Variants in CEP126 observed in about 807,000 individuals in gnomAD.
The protein encoded by CEP126 is centrosomal protein of 126 kDa.
Under a neutral mutation model 107.8 loss-of-function variants are expected in CEP126, and 74 were observed. The observed-to-expected ratio is 0.69, with a 90% confidence interval of 0.57 to 0.83. The LOEUF (loss-of-function observed/expected upper bound fraction) is 0.83. CEP126 is among the 40% of genes least tolerant of loss of function. The pLI is 0.00. For synonymous variants in CEP126, 449 were observed against 446.0 expected (o/e 1.01, Z -0.08); for missense variants, 1,237 against 1,281.9 (o/e 0.96, Z 0.53).
In CEP126 at chr11:101,915,094, G is replaced by A; in HGVS notation, c.-191G>A. The A allele has an allele frequency of 1.3e-6, 1 of 774,108 alleles. No homozygotes were observed. The highest frequency in any genetic ancestry group is 1.9e-6 in the Non-Finnish European group (1 of 518,448). 48.0% of individuals were successfully genotyped at this position (774,108 alleles called of 1,614,324 possible). On this transcript the variant is annotated 5_prime_UTR_variant, in exon 1 of 11. Transcript: ENST00000263468. Reference sequence around the variant, plus strand: ...GCCCGGCGAGGTCGCCGCTGCCTCAGCTGCCATCGCCGCTACAGGCACCAG... The same window carrying A: ...GCCCGGCGAGGTCGCCGCTGCCTCAACTGCCATCGCCGCTACAGGCACCAG...
At chr11:101,944,724 G>A (rs1940712787) in intron 3 of CEP126, among the ~76,000 whole-genome samples, 1 of 152,124 alleles carries the variant, frequency 6.6e-6, no homozygotes, top group African/African-American at 2.4e-5. Context: ...TTTGGGTTCA[G>A]AAAATTAGTG....
chr11:101,938,171 A>AAAAAAAAAAAACC (rs1307777067), intron 2 of CEP126, among the ~76,000 whole-genome samples: 1 of 144,522 alleles, frequency 6.9e-6, no homozygotes, highest in African/African-American at 2.6e-5. Flanking sequence ...AAAAAAAAAA[A>AAAAAAAAAAAACC]AAAAATACAA....
intron 6 of CEP126, among the ~76,000 whole-genome samples, chr11:101,969,505 T>C (rs565823875): frequency 6.6e-6 from 1 of 152,276 alleles, no homozygotes; most frequent in African/African-American, 2.4e-5. Flanking sequence ...GGGGAAGATA[T>C]GCCATGTTCA....
chr11:101,983,751 A>C (rs1307708321), intron 8 of CEP126, among the ~76,000 whole-genome samples: 1 of 152,204 alleles, frequency 6.6e-6, no homozygotes, highest in African/African-American at 2.4e-5. Flanking sequence ...AGCTGATGAG[A>C]CAGCCCCTAC....
At position 101,925,067 on chromosome 11, in the gene CEP126, C is replaced by T. The variant is rs146714111; in HGVS notation, c.248+2307C>T. ...TTTCCCTCCAAGTCCCCTTTGTTTC[C>T]GGCTCCAGTAGATGCTGGTTATCTT... On this transcript the variant is annotated intron_variant, in intron 2 of 10. Coordinates refer to ENST00000263468, the MANE Select transcript of CEP126 (RefSeq NM_020802.4). Among the ~76,000 whole-genome samples the T allele has an allele frequency of 1.9e-3, 284 of 152,202 alleles. 1 individual carries two copies. Among genetic ancestry groups the T allele is most frequent in the African/African-American group, 6.3e-3 (263 of 41,534 alleles).
At chr11:101,987,763 A>G (rs567903648) in intron 9 of CEP126, among the ~76,000 whole-genome samples, 4 of 152,318 alleles carry the variant, frequency 2.6e-5, no homozygotes, top group Non-Finnish European at 5.9e-5. Flanking sequence ...GTCTAATACA[A>G]GTATCACACT....
chr11:101,981,471 T>C (rs1290222008), intron 7 of CEP126, among the ~76,000 whole-genome samples: 1 of 152,040 alleles, frequency 6.6e-6, no homozygotes, highest in African/African-American at 2.4e-5. Flanking sequence ...TTTTTTATAT[T>C]TTTAGTAGAG....
chr11:101,973,787 T>G (rs1251010943), intron 6 of CEP126, among the ~76,000 whole-genome samples: 1 of 152,242 alleles, frequency 6.6e-6, no homozygotes, highest in Non-Finnish European at 1.5e-5. Context: ...TTTCTAATTA[T>G]GATAACTTAT....
intron 4 of CEP126, among the ~76,000 whole-genome samples, chr11:101,955,571 TAA>T (rs34768834): frequency 0.051 from 7,758 of 152,178 alleles, 398 homozygotes; most frequent in East Asian, 0.26. Context: ...GAAAATACTC[TAA>T]GAGCAAGAAA....
At chr11:101,978,024 TAATA>T (rs1941212565) in intron 6 of CEP126, among the ~76,000 whole-genome samples, 1 of 152,226 alleles carries the variant, frequency 6.6e-6, no homozygotes, top group Non-Finnish European at 1.5e-5. Flanking sequence ...AATTTTTAGA[TAATA>T]AATATGAATT....
At chr11:101,945,199 C>T (rs1380344815) in intron 3 of CEP126, among the ~76,000 whole-genome samples, 1 of 152,098 alleles carries the variant, frequency 6.6e-6, no homozygotes, top group Non-Finnish European at 1.5e-5. Context: ...TATGTCAGGA[C>T]ATCAAGGACA....
chr11:101,945,859 A>G (rs1312268811), intron 3 of CEP126, among the ~76,000 whole-genome samples: 1 of 152,172 alleles, frequency 6.6e-6, no homozygotes, highest in African/African-American at 2.4e-5. Flanking sequence ...AGCTTTTTTA[A>G]TGTGGGTATA....
At chr11:101,980,084 T>C (rs979457206) in intron 7 of CEP126, among the ~76,000 whole-genome samples, 7 of 152,220 alleles carry the variant, frequency 4.6e-5, no homozygotes, top group African/African-American at 1.7e-4. Flanking sequence ...TAATCAACAA[T>C]GATCTAATCT....
At chr11:101,953,391 G>A (rs923097551) in intron 4 of CEP126, among the ~76,000 whole-genome samples, 1 of 151,944 alleles carries the variant, frequency 6.6e-6, no homozygotes, top group Non-Finnish European at 1.5e-5. Flanking sequence ...CATAGAGAAG[G>A]AGAAGATTTT....
Position 101,963,652 on chromosome 11 carries a change from C to T in CEP126, c.2617C>T (p.Pro873Ser). 1 of 1,613,686 alleles carries T rather than the reference C, an allele frequency of 6.2e-7. No individual in the cohort carries two copies. The highest frequency in any genetic ancestry group is 1.1e-5 in the South Asian group (1 of 91,064). ...TTGTTCTGACCTAGTCACTGTGATA[C>T]CATCACTGCCATCATATTGTTCTTC... ...NACSDLVTVI[P>S]SLPSYCSSEC... is the part of the protein sequence containing the mutation. The change falls in exon 6 of 11, where the codon CCA becomes TCA. Residue 873 changes from proline (P) to serine (S), a missense_variant. Physicochemically the swap from Pro to Ser is moderately conservative, Grantham distance 74. Transcript: ENST00000263468.
rs537786957 is a variant in CEP126, at chr11:101,948,098, A to G, written c.462A>G (p.Ser154=). ...AAATTCAGGAATCCAACTTAAAATC[A>G]GAAGTAAACCTTCCCTTTTCCCGTA... The part of the protein sequence containing the change: ...LKQIQESNLK[S]EVNLPFSRRP... Residue 154 remains serine, a synonymous_variant, in exon 4 of 11, where the codon TCA becomes TCG. Coordinates refer to ENST00000263468, the MANE Select transcript of CEP126 (RefSeq NM_020802.4). The G allele has an allele frequency of 6.2e-7, 1 of 1,612,050 alleles. No homozygotes were observed. The highest frequency in any genetic ancestry group is 1.7e-5 in the Admixed American group (1 of 59,970).
chr11:101,927,678 C>A (rs1940433286), intron 2 of CEP126, among the ~76,000 whole-genome samples: 1 of 152,060 alleles, frequency 6.6e-6, no homozygotes, highest in African/African-American at 2.4e-5. Flanking sequence ...TGAGGATTGA[C>A]TTTTCTCAGT....
chr11:101,925,510 C>T (rs1206744065), intron 2 of CEP126, among the ~76,000 whole-genome samples: 2 of 150,822 alleles, frequency 1.3e-5, no homozygotes, highest in Non-Finnish European at 2.9e-5. Context: ...GTGACTCACA[C>T]CTGTAATCCT....
At chr11:101,917,519 T>C (rs944819672) in intron 1 of CEP126, among the ~76,000 whole-genome samples, 7 of 152,012 alleles carry the variant, frequency 4.6e-5, no homozygotes, top group Non-Finnish European at 1.0e-4. Flanking sequence ...CAAAACCTTA[T>C]GAAGTTTATT....
Sources: gnomAD v4.1 joint callset for allele counts (sites outside exome capture counted in the v4.1 genomes callset) on GRCh38, gnomAD v4.1.1 for gene constraint, MANE v1.5 for transcripts, NCBI Gene and HGNC (gene_info 2026-07-23, HGNC 2026-07-21) for gene names.